The following GSE1 variants were observed in gnomAD, a reference collection of about 807,000 sequenced individuals.
The protein encoded by GSE1 is genetic suppressor element 1.
A neutral mutation model predicts 112.6 loss-of-function variants in GSE1; 32 were observed. That is an observed-to-expected ratio of 0.28 (90% CI 0.21 to 0.38). GSE1 has a LOEUF of 0.38. GSE1 is among the 10% of genes least tolerant of loss of function. The pLI is 1.00. For missense variants in GSE1, 2,348 were observed against 1,699.2 expected, an observed-to-expected ratio of 1.38 and a Z score of -6.71; for synonymous variants, 1,115 against 735.6, an observed-to-expected ratio of 1.52 and a Z score of -8.35.
intron 1 of GSE1, among the ~76,000 whole-genome samples, chr16:85,279,220 A>G (rs778600729): frequency 2.0e-5 from 3 of 152,242 alleles, no homozygotes; most frequent in African/African-American, 7.2e-5. Flanking sequence ...CCAAGGCCCC[A>G]GGGAGAAAGC....
intron 2 of GSE1, among the ~76,000 whole-genome samples, chr16:85,389,943 TTCGTC>T (rs1237558420): frequency 2.0e-5 from 3 of 152,170 alleles, no homozygotes; most frequent in Non-Finnish European, 2.9e-5. Context: ...AGTCAGGCTC[TTCGTC>T]TCGTTTTACC....
chr16:85,670,059 G>C (rs1295340907), intron 14 of GSE1, among the ~76,000 whole-genome samples: 2 of 152,202 alleles, frequency 1.3e-5, no homozygotes, highest in African/African-American at 2.4e-5. Context: ...GGCGTGGTTG[G>C]CATCCTTTTC....
intron 1 of GSE1, among the ~76,000 whole-genome samples, chr16:85,289,575 TG>T (rs2045144454): frequency 6.6e-6 from 1 of 152,152 alleles, no homozygotes; most frequent in Admixed American, 6.5e-5. Flanking sequence ...GGAAGGCCAA[TG>T]TGCTGGGCCA....
chr16:85,613,327 A>G lies in GSE1; in HGVS notation c.-65A>G. 1.3e-6 allele frequency: 2 copies of G among 1,553,684 alleles called. No individual in the cohort carries two copies. Among genetic ancestry groups the G allele is most frequent in the Non-Finnish European group, 8.7e-7 (1 of 1,149,064 alleles). On this transcript the variant is annotated 5_prime_UTR_variant, in exon 1 of 16. Transcript: ENST00000253458. ...CAGCCCCGGGTGAGATAAGCAGTTT[A>G]GACAAACACTGGGCGACGGTGGCTC...
chr16:85,350,517 G>C (rs1257448982), intron 1 of GSE1, among the ~76,000 whole-genome samples: 1 of 152,150 alleles, frequency 6.6e-6, no homozygotes, highest in Non-Finnish European at 1.5e-5. Context: ...CTGCCCAGCA[G>C]CCAGGGTGTG....
At chr16:85,364,872 A>G (rs1466542) in intron 2 of GSE1, among the ~76,000 whole-genome samples, 147,624 of 152,312 alleles carry the variant, frequency 0.97, 71,692 homozygotes, top group East Asian at 1. Flanking sequence ...ATGGTCCCAC[A>G]GTCCCTGAGA....
At chr16:85,375,780 G>A (rs1172319503) in intron 2 of GSE1, among the ~76,000 whole-genome samples, 4 of 152,198 alleles carry the variant, frequency 2.6e-5, no homozygotes, top group East Asian at 1.9e-4. Flanking sequence ...CACACTGCCC[G>A]CCTCCAGTAC....
In GSE1 at chr16:85,675,406, A is replaced by G. The variant is rs76518437; in HGVS notation, c.*2867A>G. ...GTCAGAGTCAGACTGACATGATAAA[A>G]TATCATGTTCCTAATCTGTTGTCTC... On this transcript the variant is annotated 3_prime_UTR_variant, in exon 16 of 16. Transcript: ENST00000253458. 2 of 152,362 alleles carry G rather than the reference A, an allele frequency of 1.3e-5. No individual in the cohort carries two copies. Among genetic ancestry groups the G allele is most frequent in the African/African-American group, 2.4e-5 (1 of 41,582 alleles). The allele number at this position is 152,362 out of a possible 1,614,324, so 9.4% of individuals were successfully genotyped here.
intron 2 of GSE1, among the ~76,000 whole-genome samples, chr16:85,411,178 C>A (rs68156631): frequency 3.0e-5 from 2 of 66,728 alleles, no homozygotes; most frequent in African/African-American, 7.0e-5. Flanking sequence ...TACACTCAGG[C>A]CCCCCGGATA....
chr16:85,441,836 G>A (rs973253490), intron 2 of GSE1, among the ~76,000 whole-genome samples: 18 of 152,084 alleles, frequency 1.2e-4, no homozygotes, highest in African/African-American at 3.6e-4. Flanking sequence ...CTTTCTCCTC[G>A]CAGCAGCCAG....
chr16:85,337,180 G>A (rs541495541), intron 1 of GSE1, among the ~76,000 whole-genome samples: 1 of 152,270 alleles, frequency 6.6e-6, no homozygotes, highest in African/African-American at 2.4e-5. Context: ...CACGCCTGTG[G>A]GCACCCCCGC....
intron 3 of GSE1, among the ~76,000 whole-genome samples, chr16:85,653,540 G>A (rs1176896045): frequency 6.6e-6 from 1 of 151,340 alleles, no homozygotes; most frequent in Non-Finnish European, 1.5e-5. Flanking sequence ...TGAGTCCTCT[G>A]GACCACCTTC....
intron 1 of GSE1, among the ~76,000 whole-genome samples, chr16:85,295,627 T>G (rs578256044): frequency 6.6e-6 from 1 of 152,330 alleles, no homozygotes; most frequent in South Asian, 2.1e-4. Flanking sequence ...TGTGCTGGTC[T>G]AAGTCAAGGG....
intron 1 of GSE1, among the ~76,000 whole-genome samples, chr16:85,236,416 G>A (rs1250738205): frequency 6.6e-6 from 1 of 152,248 alleles, no homozygotes; most frequent in Non-Finnish European, 1.5e-5. Context: ...CTGGCCCAGT[G>A]GGCTAAAAAC....
At chr16:85,468,548 C>T (rs1041518364) in intron 2 of GSE1, among the ~76,000 whole-genome samples, 5 of 151,926 alleles carry the variant, frequency 3.3e-5, no homozygotes, top group African/African-American at 1.2e-4. Context: ...GAACTCCTGA[C>T]CTCCTGTGAT....
At chr16:85,527,234 G>T (rs191648098) in intron 2 of GSE1, among the ~76,000 whole-genome samples, 2 of 152,248 alleles carry the variant, frequency 1.3e-5, no homozygotes, top group Admixed American at 6.5e-5. Context: ...CCGTGGGCGC[G>T]CAGGGGCTGG....
intron 2 of GSE1, among the ~76,000 whole-genome samples, chr16:85,500,800 C>T (rs992463090): frequency 2.0e-5 from 3 of 152,116 alleles, no homozygotes; most frequent in Non-Finnish European, 2.9e-5. Flanking sequence ...AGTCCCAGAT[C>T]GAGGTGTCTG....
At chr16:85,374,188 C>T (rs182379040) in intron 2 of GSE1, among the ~76,000 whole-genome samples, 1 of 121,192 alleles carries the variant, frequency 8.3e-6, no homozygotes, top group African/African-American at 3.2e-5. Context: ...CAGTGTGCCT[C>T]TGTGTGTTCA....
chr16:85,252,676 G>A (rs1268133866), intron 1 of GSE1, among the ~76,000 whole-genome samples: 1 of 152,228 alleles, frequency 6.6e-6, no homozygotes, highest in Admixed American at 6.5e-5. Flanking sequence ...CTGAGGTCAT[G>A]CCGGTGTGGG....
Sources: allele counts gnomAD v4.1 joint callset (sites outside exome capture counted in the v4.1 genomes callset), GRCh38; gene constraint gnomAD v4.1.1; transcripts MANE v1.5; gene names NCBI Gene and HGNC (gene_info 2026-07-23, HGNC 2026-07-21).